The following SHANK2 variants were observed in gnomAD, a reference collection of about 807,000 sequenced individuals.
SHANK2 encodes SH3 and multiple ankyrin repeat domains protein 2.
In SHANK2, 43 loss-of-function variants were observed where a neutral mutation model predicts 133.7. The observed-to-expected ratio is 0.32, with a 90% CI of 0.25 to 0.41. The LOEUF (loss-of-function observed/expected upper bound fraction) is 0.41. Ranked by LOEUF, SHANK2 falls within the 10% of genes least tolerant of loss-of-function variation. The pLI is 1.00. For missense variants in SHANK2, 1,994 were observed against 2,235.8 expected, an observed-to-expected ratio of 0.89 and a Z score of 2.18; for synonymous variants, 1,017 against 952.8, an observed-to-expected ratio of 1.07 and a Z score of -1.24.
chr11:70,595,461 G>A (rs1352970449), intron 17 of SHANK2, among the ~76,000 whole-genome samples: 1 of 152,242 alleles, frequency 6.6e-6, no homozygotes, highest in Non-Finnish European at 1.5e-5. Flanking sequence ...TGAGGCCTAT[G>A]AGGCTCACCC....
chr11:70,828,851 C>A (rs986960559), intron 11 of SHANK2, among the ~76,000 whole-genome samples: 2 of 152,236 alleles, frequency 1.3e-5, no homozygotes, highest in Non-Finnish European at 2.9e-5. Context: ...GACTCAGTGA[C>A]GCTCAACACC....
Position 70,487,837 on chromosome 11 carries a change from G to A in SHANK2, c.2573-117C>T. On this transcript the variant is annotated intron_variant, in intron 24 of 25. Transcript: ENST00000601538. The surrounding 1 kb of genome is among the most constrained non-coding windows in gnomAD (Gnocchi z 5.8). Reference sequence around the variant, plus strand: ...CACAAATTCAGATGATGAACCGGATGTTCAGGAAACACAGCACAAGCCACG... The same window carrying A: ...CACAAATTCAGATGATGAACCGGATATTCAGGAAACACAGCACAAGCCACG... 1 of 1,540,618 alleles carries A rather than the reference G, an allele frequency of 6.5e-7. No homozygotes were observed. The highest frequency in any genetic ancestry group is 8.8e-7 in the Non-Finnish European group (1 of 1,142,074).
intron 14 of SHANK2, among the ~76,000 whole-genome samples, chr11:70,797,829 TCATA>T (rs1947947516): frequency 1.5e-5 from 1 of 64,752 alleles, no homozygotes; most frequent in Non-Finnish European, 2.8e-5. Context: ...TCCTCCACTC[TCATA>T]CACACACACA....
rs1328680385 is a variant in SHANK2, at chr11:70,468,799, A to G, written c.*4070T>C. 1.3e-5 allele frequency: 2 copies of G among 152,280 alleles called. No homozygotes were observed. The highest frequency in any genetic ancestry group is 2.9e-5 in the Non-Finnish European group (2 of 68,066). The allele number at this position is 152,280 out of a possible 1,614,324, so 9.4% of individuals were successfully genotyped here. A position where few individuals can be genotyped will look rare whatever the true frequency, so the allele number is the denominator to read the frequency against. ...GCTCAACTGGGGAATGTGCCAAAGT[A>G]GAAGAAACTTTAGGAACTAAAGACA... On this transcript the variant is annotated 3_prime_UTR_variant, in exon 26 of 26. Coordinates refer to ENST00000601538, the MANE Select transcript of SHANK2 (RefSeq NM_012309.5).
intron 17 of SHANK2, 43 bp downstream of exon 17, chr11:70,659,785 G>A: frequency 1.2e-6 from 2 of 1,613,424 alleles, no homozygotes; most frequent in East Asian, 4.5e-5. Flanking sequence ...CCGAGAGTCG[G>A]CGCTCTCCCC....
chr11:70,659,743 G>A (rs2061456869), intron 17 of SHANK2, 85 bp downstream of exon 17: 7 of 1,557,826 alleles, frequency 4.5e-6, no homozygotes, highest in South Asian at 2.2e-5. Flanking sequence ...ACTGGGCCTC[G>A]TGGCTGTGCT....
chr11:71,138,121 A>T (rs1288099429), intron 3 of SHANK2, among the ~76,000 whole-genome samples: 1 of 51,820 alleles, frequency 1.9e-5, no homozygotes. Context: ...GTAACGAACC[A>T]CACCCCTGCA....
Position 70,485,973 on chromosome 11 carries a change from C to T in SHANK2, c.4320G>A (p.Gln1440=), listed in dbSNP as rs572716272. The T allele has an allele frequency of 2.3e-5, 37 of 1,613,392 alleles. No homozygotes were observed. In the South Asian group the frequency reaches 3.7e-4, roughly 16 times the overall value. The change falls in exon 25 of 26, where the codon CAG becomes CAA. Residue 1440 remains glutamine, a synonymous_variant. Coordinates refer to ENST00000601538, the MANE Select transcript of SHANK2 (RefSeq NM_012309.5). The surrounding 1 kb of genome is among the most constrained non-coding windows in gnomAD (Gnocchi z 5.8). The part of the protein sequence containing the change: ...SVPALSDLVK[Q]KKSDTPQSPS... ...GGGACTGAGGGGTGTCGCTTTTCTTCTGCTTCACTAAGTCTGAGAGAGCCG... is the reference window on the plus strand; with the variant it reads ...GGGACTGAGGGGTGTCGCTTTTCTTTTGCTTCACTAAGTCTGAGAGAGCCG...
At chr11:71,060,058 A>G (rs1489837432) in intron 9 of SHANK2, among the ~76,000 whole-genome samples, 1 of 152,142 alleles carries the variant, frequency 6.6e-6, no homozygotes, top group Non-Finnish European at 1.5e-5. Flanking sequence ...CTGCACCCCG[A>G]TTCCAATTAG....
At chr11:71,094,135 G>A (rs1951565231) in intron 7 of SHANK2, among the ~76,000 whole-genome samples, 2 of 151,586 alleles carry the variant, frequency 1.3e-5, no homozygotes, top group African/African-American at 4.9e-5. Flanking sequence ...GTGGGGCCTG[G>A]AGGGAGGTGA....
At chr11:70,490,494 G>A (rs915337347) in intron 22 of SHANK2, 107 bp from the exon 23 acceptor site, 5 of 944,874 alleles carry the variant, frequency 5.3e-6, no homozygotes, top group South Asian at 5.3e-5. Flanking sequence ...GCTTCCCCAA[G>A]CTGCTTCTGG....
chr11:70,933,412 G>C, intron 10 of SHANK2: 1 of 429,512 alleles, frequency 2.3e-6, no homozygotes, highest in Non-Finnish European at 4.7e-6. Context: ...GTTTCAGTTT[G>C]GGAAAATGAC....
chr11:70,692,776 G>A (rs1451659821), intron 15 of SHANK2, among the ~76,000 whole-genome samples: 16 of 152,154 alleles, frequency 1.1e-4, no homozygotes, highest in Admixed American at 3.3e-4. Context: ...TGTGAGGCTC[G>A]AAAGCCATGA....
intron 6 of SHANK2, among the ~76,000 whole-genome samples, chr11:71,106,936 C>T (rs1205752193): frequency 6.6e-6 from 1 of 151,532 alleles, no homozygotes; most frequent in Non-Finnish European, 1.5e-5. Context: ...CCTGCCTGGG[C>T]AACATGGCAA....
At chr11:70,714,368 C>T (rs939627723) in intron 14 of SHANK2, among the ~76,000 whole-genome samples, 3 of 152,124 alleles carry the variant, frequency 2.0e-5, no homozygotes, top group South Asian at 2.1e-4. Flanking sequence ...GTTTAGGCAA[C>T]GGTTTCTGTT....
At chr11:70,602,087 C>T (rs894310191) in intron 17 of SHANK2, among the ~76,000 whole-genome samples, 23 of 152,162 alleles carry the variant, frequency 1.5e-4, no homozygotes, top group African/African-American at 5.6e-4. Context: ...GTGAGTTCTC[C>T]GGAGCTCTGG....
intron 2 of SHANK2, among the ~76,000 whole-genome samples, chr11:71,161,545 C>A (rs1456080380): frequency 6.6e-6 from 1 of 152,216 alleles, no homozygotes; most frequent in African/African-American, 2.4e-5. Context: ...GTCTCCAACC[C>A]CTTATCTTAA....
chr11:70,477,425 G>C (rs1365794040), intron 25 of SHANK2: 1 of 152,172 alleles, frequency 6.6e-6, no homozygotes, highest in Non-Finnish European at 1.5e-5. Context: ...TCACAAGCTT[G>C]TCTTCTCCTT....
At chr11:70,756,175 C>T (rs950464975) in intron 14 of SHANK2, among the ~76,000 whole-genome samples, 26 of 152,128 alleles carry the variant, frequency 1.7e-4, no homozygotes, top group African/African-American at 6.0e-4. Flanking sequence ...CAGAGCGAGG[C>T]AGAGAACCTT....
Sources: allele counts gnomAD v4.1 joint callset (sites outside exome capture counted in the v4.1 genomes callset), GRCh38; gene constraint gnomAD v4.1.1; non-coding constraint Gnocchi (gnomAD v3.1); transcripts MANE v1.5; gene names NCBI Gene and HGNC (gene_info 2026-07-23, HGNC 2026-07-21).